The following KLHL18 variants were observed in gnomAD, a reference collection of about 807,000 sequenced individuals.
KLHL18 encodes kelch-like protein 18.
In KLHL18, 38 loss-of-function variants were observed where a neutral mutation model predicts 58.5. The observed-to-expected ratio is 0.65, with a 90% CI of 0.50 to 0.85. KLHL18 has a LOEUF of 0.85. Ranked by LOEUF, KLHL18 falls within the 40% of genes least tolerant of loss-of-function variation. KLHL18 has a pLI of 0.00. For missense variants in KLHL18, 624 were observed against 778.4 expected (o/e 0.80, Z 2.36); for synonymous variants, 303 against 301.9 (o/e 1.00, Z -0.04).
At chr3:47,309,763 C>T (rs1437100889) in intron 1 of KLHL18, among the ~76,000 whole-genome samples, 7 of 152,144 alleles carry the variant, frequency 4.6e-5, no homozygotes, top group Non-Finnish European at 8.8e-5. Context: ...CTCGGGAGGC[C>T]GAGGCTGGCG....
chr3:47,307,081 CT>C (rs1282942040), intron 1 of KLHL18, among the ~76,000 whole-genome samples: 1 of 151,796 alleles, frequency 6.6e-6, no homozygotes, highest in Non-Finnish European at 1.5e-5. Flanking sequence ...TGTAACTTGT[CT>C]TTTTTTCGAG....
Position 47,319,768 on chromosome 3 carries a change from A to G in KLHL18, c.245A>G (p.Gln82Arg), listed in dbSNP as rs1420412662. 1 of 1,613,778 alleles carries G rather than the reference A, an allele frequency of 6.2e-7. No individual in the cohort carries two copies. The highest frequency in any genetic ancestry group is 8.5e-7 in the Non-Finnish European group (1 of 1,179,726). Residue 82 changes from glutamine to arginine, a missense_variant, in exon 2 of 10, where the codon CAA (glutamine) becomes CGA (arginine). By Grantham distance (43) the Gln-to-Arg change is conservative. Transcript: ENST00000232766. ...TGCAAGCAGGATGAGATTGTAATGC[A>G]AGGAATGGACCCAAGGTACTGAATC... ...MECKQDEIVM[Q>R]GMDPSALEAL...
intron 5 of KLHL18, 128 bp downstream of exon 5, chr3:47,333,445 G>A (rs1703914474): frequency 1.1e-6 from 1 of 908,892 alleles, no homozygotes. Context: ...ACACAGATTG[G>A]TCTGCCCTCT....
intron 6 of KLHL18, among the ~76,000 whole-genome samples, chr3:47,336,244 T>C (rs1162525277): frequency 1.3e-5 from 2 of 152,194 alleles, no homozygotes; most frequent in Non-Finnish European, 2.9e-5. Context: ...GGAGGAAATA[T>C]TGTATCGATT....
intron 1 of KLHL18, among the ~76,000 whole-genome samples, chr3:47,295,968 A>G (rs991657209): frequency 6.6e-5 from 10 of 152,272 alleles, no homozygotes; most frequent in Non-Finnish European, 1.5e-4. Context: ...CTCTGAAGAC[A>G]GTCTTCTCAT....
At chr3:47,331,111 A>G (rs928329782) in intron 4 of KLHL18, among the ~76,000 whole-genome samples, 3 of 151,896 alleles carry the variant, frequency 2.0e-5, no homozygotes, top group African/African-American at 7.3e-5. Context: ...GGTCTGTGAA[A>G]TCAAGAGGGG....
chr3:47,335,069 T>C (rs1247182819), intron 6 of KLHL18, among the ~76,000 whole-genome samples: 1 of 152,194 alleles, frequency 6.6e-6, no homozygotes, highest in African/African-American at 2.4e-5. Context: ...AGTGAGGAAA[T>C]TGAGCCCCAC....
In KLHL18 at chr3:47,311,232, A is replaced by G. The variant is rs1352367470; in HGVS notation, c.130-8421A>G. On this transcript the variant is annotated intron_variant, in intron 1 of 9. Transcript: ENST00000232766. ...TACCATGTTAGCCAGGATGACCTCG[A>G]TCTTCTGGCCTCTTGATACTTTTAA... Among the ~76,000 whole-genome samples the G allele has an allele frequency of 3.3e-5, 5 of 151,780 alleles. No individual in the cohort carries two copies. In the East Asian group the frequency reaches 9.7e-4, roughly 30 times the overall value.
chr3:47,333,403 A>C, intron 5 of KLHL18, 86 bp downstream of exon 5: 1 of 1,330,202 alleles, frequency 7.5e-7, no homozygotes, highest in Non-Finnish European at 1.0e-6. Flanking sequence ...TCTGGAAAGA[A>C]AGCATTTAGA....
chr3:47,288,715 A>G (rs1384038075), intron 1 of KLHL18, among the ~76,000 whole-genome samples: 1 of 152,142 alleles, frequency 6.6e-6, no homozygotes, highest in Non-Finnish European at 1.5e-5. Context: ...AAAAAAAATC[A>G]CATTCTGTAT....
chr3:47,319,649 A>G lies in KLHL18; in HGVS notation c.130-4A>G. On this transcript the variant is annotated splice_polypyrimidine_tract_variant and splice_region_variant and intron_variant, in intron 1 of 9. Transcript: ENST00000232766. ...TCTGTCTTTGTATTTTACTTTGCCCACAGATTGGGGACCACAAATTCAGTG... is the reference window on the plus strand; with the variant it reads ...TCTGTCTTTGTATTTTACTTTGCCCGCAGATTGGGGACCACAAATTCAGTG... 1 of 1,612,856 alleles carries G rather than the reference A, an allele frequency of 6.2e-7. No individual in the cohort carries two copies.
intron 1 of KLHL18, among the ~76,000 whole-genome samples, chr3:47,305,648 T>C (rs1430174161): frequency 6.6e-6 from 1 of 152,150 alleles, no homozygotes; most frequent in East Asian, 1.9e-4. Context: ...TCCCTTAATC[T>C]TCTGTTTTCT....
intron 5 of KLHL18, among the ~76,000 whole-genome samples, chr3:47,333,772 TG>T (rs1185787795): frequency 6.6e-6 from 1 of 152,220 alleles, no homozygotes; most frequent in East Asian, 1.9e-4. Flanking sequence ...TCTACGATGA[TG>T]GGCAAGGGGC....
intron 1 of KLHL18, among the ~76,000 whole-genome samples, chr3:47,288,811 T>C (rs1293613641): frequency 6.6e-6 from 1 of 152,212 alleles, no homozygotes; most frequent in East Asian, 1.9e-4. Flanking sequence ...ATGAGGATTG[T>C]AGTGCAAGAC....
At chr3:47,335,279 G>T (rs75887209) in intron 6 of KLHL18, among the ~76,000 whole-genome samples, 2,702 of 152,296 alleles carry the variant, frequency 0.018, 35 homozygotes, top group Middle Eastern at 0.034. Context: ...TCTGGGGTTA[G>T]ACTGAGAAAG....
At position 47,344,475 on chromosome 3, in the gene KLHL18, A is replaced by G; in HGVS notation, c.*534A>G. 1 of 159,534 alleles carries G rather than the reference A, an allele frequency of 6.3e-6. No homozygotes were observed. The allele number at this position is 159,534 out of a possible 1,614,324, so 9.9% of individuals were successfully genotyped here. On this transcript the variant is annotated 3_prime_UTR_variant, in exon 10 of 10. Coordinates refer to ENST00000232766, the MANE Select transcript of KLHL18 (RefSeq NM_025010.5). ...CACACAGGCACATTCCTTCTTCCAC[A>G]GTGGGGCACCAAGGATTCTGTCCTC...
chr3:47,295,873 C>G (rs141374434), intron 1 of KLHL18, among the ~76,000 whole-genome samples: 3 of 152,242 alleles, frequency 2.0e-5, no homozygotes, highest in East Asian at 3.9e-4. Context: ...CCGGCCCCTT[C>G]AAAGTTTTCT....
intron 1 of KLHL18, chr3:47,283,350 C>G (rs373154758): frequency 4.0e-6 from 2 of 498,804 alleles, no homozygotes; most frequent in African/African-American, 2.0e-5. Context: ...GTGGGAGACA[C>G]GGGTGACAGC....
At chr3:47,331,414 T>A (rs1340789518) in intron 4 of KLHL18, among the ~76,000 whole-genome samples, 1 of 120,348 alleles carries the variant, frequency 8.3e-6, no homozygotes, top group East Asian at 2.8e-4. Context: ...GCATGAGCCA[T>A]CATGCCAGGC....
Sources: allele counts gnomAD v4.1 joint callset (sites outside exome capture counted in the v4.1 genomes callset), GRCh38; gene constraint gnomAD v4.1.1; transcripts MANE v1.5; gene names NCBI Gene and HGNC (gene_info 2026-07-23, HGNC 2026-07-21).